The following DCAF5 variants were observed in gnomAD, a reference collection of about 807,000 sequenced individuals.
The protein encoded by DCAF5 is DDB1- and CUL4-associated factor 5.
DCAF5 carries 9 observed loss-of-function variants against 80.7 expected under a neutral mutation model. That is an observed-to-expected ratio of 0.11 (90% CI 0.07 to 0.19). The LOEUF (loss-of-function observed/expected upper bound fraction) is 0.19, where lower values mean the gene tolerates loss of function less well. Ranked by LOEUF, DCAF5 falls within the 10% of genes least tolerant of loss-of-function variation. The pLI, the probability that DCAF5 is intolerant of heterozygous loss-of-function variation, is 1.00. For missense variants in DCAF5, 842 were observed against 1,205.7 expected, an observed-to-expected ratio of 0.70 and a Z score of 4.47; for synonymous variants, 433 against 461.9, an observed-to-expected ratio of 0.94 and a Z score of 0.80.
intron 7 of DCAF5, among the ~76,000 whole-genome samples, chr14:69,066,927 C>A (rs2038466335): frequency 6.6e-6 from 1 of 152,242 alleles, no homozygotes; most frequent in Non-Finnish European, 1.5e-5. Context: ...GACTCAAAAG[C>A]TGAAAGCAAT....
Position 69,132,797 on chromosome 14 carries a change from C to T in DCAF5, c.215-10437G>A, listed in dbSNP as rs546272460. Among the ~76,000 whole-genome samples, 3 of 152,238 alleles carry T rather than the reference C, an allele frequency of 2.0e-5. No individual in the cohort carries two copies. In the East Asian group the frequency reaches 5.8e-4, roughly 29 times the overall value. ...CATAGGAAAAAATAATAAGAAAAAA[C>T]CCACAGGATTAGGATACACAAACAC... On this transcript the variant is annotated intron_variant, in intron 1 of 8. Coordinates refer to ENST00000341516, the MANE Select transcript of DCAF5 (RefSeq NM_003861.3).
chr14:69,152,450 C>G lies in DCAF5; in HGVS notation c.214+315G>C. ...CGCGGAGGAAGAGTTTGCCGTCAAACTTTGTAGAGCGGTAACCTCGCCCCC... is the reference window on the plus strand; with the variant it reads ...CGCGGAGGAAGAGTTTGCCGTCAAAGTTTGTAGAGCGGTAACCTCGCCCCC... On this transcript the variant is annotated intron_variant, in intron 1 of 8. Transcript: ENST00000341516. The surrounding 1 kb of genome is among the most constrained non-coding windows in gnomAD (Gnocchi z 4.1). 1 of 275,722 alleles carries G rather than the reference C, an allele frequency of 3.6e-6. No homozygotes were observed. The highest frequency in any genetic ancestry group is 6.5e-5 in the South Asian group (1 of 15,450). The allele number at this position is 275,722 out of a possible 1,614,324, so 17.1% of individuals were successfully genotyped here.
chr14:69,105,513 C>G (rs962177548), intron 5 of DCAF5, among the ~76,000 whole-genome samples: 1 of 152,082 alleles, frequency 6.6e-6, no homozygotes, highest in Non-Finnish European at 1.5e-5. Flanking sequence ...CCAGAGGAGA[C>G]TGAGATGTGA....
chr14:69,139,234 C>T (rs549158350), intron 1 of DCAF5, among the ~76,000 whole-genome samples: 43 of 152,200 alleles, frequency 2.8e-4, no homozygotes, highest in Middle Eastern at 6.8e-3. Context: ...CACTTGTAAT[C>T]CCAACACTTT....
chr14:69,125,390 A>C (rs2040843281), intron 1 of DCAF5, among the ~76,000 whole-genome samples: 1 of 152,254 alleles, frequency 6.6e-6, no homozygotes, highest in African/African-American at 2.4e-5. Flanking sequence ...TGCAGTGCAC[A>C]AAACTGGTAA....
chr14:69,153,143 GC>G, upstream of DCAF5: 1 of 478,132 alleles, frequency 2.1e-6, no homozygotes. Context: ...GGCGTTCGCG[GC>G]TTCCTGACGG....
In DCAF5 at chr14:69,054,221, T is replaced by C. The variant is rs765124909; in HGVS notation, c.2465A>G (p.Glu822Gly). ...CPRTQSDDSE[E>G]RSLETICANH... is the part of the protein sequence containing the mutation. ...GGCACAGATGGTTTCGAGGCTCCTC[T>C]CCTCACTGTCATCAGACTGGGTCCT... The change falls in exon 9 of 9, where the codon GAG (glutamate) becomes GGG (glycine). Residue 822 changes from glutamate to glycine, a missense_variant. Physicochemically the swap from Glu to Gly is moderately conservative, Grantham distance 98. Coordinates refer to ENST00000341516, the MANE Select transcript of DCAF5 (RefSeq NM_003861.3). The C allele has an allele frequency of 1.3e-5, 21 of 1,614,108 alleles. No individual in the cohort carries two copies. The East Asian group carries it at 4.7e-4, about 36-fold the overall frequency.
chr14:69,108,004 G>A (rs762416134), intron 5 of DCAF5, among the ~76,000 whole-genome samples: 1 of 152,204 alleles, frequency 6.6e-6, no homozygotes, highest in Non-Finnish European at 1.5e-5. Flanking sequence ...CTGTGAAGCA[G>A]CTCCTGGGCA....
intron 6 of DCAF5, among the ~76,000 whole-genome samples, chr14:69,086,743 G>C (rs1359669818): frequency 6.6e-6 from 1 of 152,142 alleles, no homozygotes; most frequent in African/African-American, 2.4e-5. Context: ...AGGTTGAGTG[G>C]TGATGTAATG....
intron 6 of DCAF5, among the ~76,000 whole-genome samples, chr14:69,076,636 G>A (rs894408751): frequency 6.6e-6 from 1 of 152,230 alleles, no homozygotes; most frequent in Non-Finnish European, 1.5e-5. Context: ...GAGGGAGAAT[G>A]AAGAGTTAGC....
chr14:69,080,704 A>G (rs2039068265), intron 6 of DCAF5, among the ~76,000 whole-genome samples: 1 of 152,250 alleles, frequency 6.6e-6, no homozygotes, highest in Non-Finnish European at 1.5e-5. Flanking sequence ...TAAATAGGCA[A>G]GCTATAGAAA....
At chr14:69,070,156 T>TA (rs2038628454) in intron 7 of DCAF5, among the ~76,000 whole-genome samples, 1 of 152,192 alleles carries the variant, frequency 6.6e-6, no homozygotes, top group Admixed American at 6.5e-5. Context: ...AAGAAGGTCT[T>TA]AGAGTAAGAG....
chr14:69,063,300 A>G (rs1399674426), intron 7 of DCAF5, among the ~76,000 whole-genome samples: 1 of 152,210 alleles, frequency 6.6e-6, no homozygotes, highest in Admixed American at 6.5e-5. Context: ...ATAGATAAAC[A>G]TGTTATCATT....
intron 5 of DCAF5, among the ~76,000 whole-genome samples, chr14:69,102,680 T>C (rs1263258317): frequency 1.3e-5 from 2 of 150,370 alleles, no homozygotes; most frequent in East Asian, 2.1e-4. Context: ...TACCTTCACA[T>C]CTGTTCTACT....
intron 6 of DCAF5, chr14:69,084,241 C>A: frequency 1.0e-6 from 1 of 1,002,172 alleles, no homozygotes; most frequent in Non-Finnish European, 1.6e-6. Context: ...TAATGGGTGG[C>A]AGTAATAGAT....
intron 1 of DCAF5, among the ~76,000 whole-genome samples, chr14:69,148,803 G>A (rs1268525856): frequency 6.6e-6 from 1 of 152,182 alleles, no homozygotes; most frequent in African/African-American, 2.4e-5. Flanking sequence ...CTACCAGTGA[G>A]GGCAATCTGT....
Position 69,116,510 on chromosome 14 carries a change from A to G in DCAF5, c.536-15T>C. On this transcript the variant is annotated splice_polypyrimidine_tract_variant and intron_variant, in intron 4 of 8. Coordinates refer to ENST00000341516, the MANE Select transcript of DCAF5 (RefSeq NM_003861.3). The stretch of plus-strand genomic sequence containing the variant: ...GCAGAAGGGCTCTGTGGAAAGAAAA[A>G]TTATAATCAGTTCACTCCAGGTACC... 6.2e-7 allele frequency: 1 copy of G among 1,611,304 alleles called. No individual in the cohort carries two copies. Among genetic ancestry groups the G allele is most frequent in the East Asian group, 2.2e-5 (1 of 44,784 alleles).
At chr14:69,139,824 C>T (rs1273974212) in intron 1 of DCAF5, among the ~76,000 whole-genome samples, 1 of 118,672 alleles carries the variant, frequency 8.4e-6, no homozygotes, top group Admixed American at 9.7e-5. Flanking sequence ...AAGACCCTGT[C>T]TCAAAAAAAA....
chr14:69,106,285 A>C (rs2040156251), intron 5 of DCAF5, among the ~76,000 whole-genome samples: 1 of 151,856 alleles, frequency 6.6e-6, no homozygotes, highest in Non-Finnish European at 1.5e-5. Context: ...CAAACTCCTG[A>C]CCTCAGGTGA....
Sources: allele counts gnomAD v4.1 joint callset (sites outside exome capture counted in the v4.1 genomes callset), GRCh38; gene constraint gnomAD v4.1.1; non-coding constraint Gnocchi (gnomAD v3.1); transcripts MANE v1.5; gene names NCBI Gene and HGNC (gene_info 2026-07-23, HGNC 2026-07-21).